ANKRD31: variants seen among roughly 807,000 people sequenced by gnomAD.
ANKRD31 encodes the protein ankyrin repeat domain 31, also known as ankyrin repeat domain-containing protein 31.
Under a neutral mutation model 186.0 loss-of-function variants are expected in ANKRD31, and 147 were observed. That is an observed-to-expected ratio of 0.79 (90% CI 0.69 to 0.91). ANKRD31 has a LOEUF of 0.91. ANKRD31 is among the 40% of genes least tolerant of loss of function. The pLI is 0.00. For missense variants in ANKRD31, 1,986 were observed against 2,148.8 expected (o/e 0.92, Z 1.50); for synonymous variants, 673 against 736.4 (o/e 0.91, Z 1.39).
chr5:75,118,484 T>C (rs1748479050), intron 17 of ANKRD31, among the ~76,000 whole-genome samples, 187 bp from the exon 18 acceptor site: 1 of 152,156 alleles, frequency 6.6e-6, no homozygotes, highest in South Asian at 2.1e-4. Flanking sequence ...TGATTAGTCC[T>C]CACAAGAGAA....
chr5:75,084,475 G>C (rs1745330432), intron 23 of ANKRD31, 101 bp from the exon 24 acceptor site: 2 of 923,686 alleles, frequency 2.2e-6, no homozygotes, highest in South Asian at 3.0e-5. Context: ...TTTGATTGTT[G>C]TATGTTGTGG....
At chr5:75,105,343 C>T (rs1747250363) in intron 21 of ANKRD31, 125 bp from the exon 22 acceptor site, 3 of 1,060,920 alleles carry the variant, frequency 2.8e-6, no homozygotes, top group Non-Finnish European at 3.7e-6. Context: ...AAAACTATGC[C>T]TGTGCAATTT....
rs1234706167 is a variant in ANKRD31, at chr5:75,168,995, A to G, written c.1691T>C (p.Met564Thr). ...YQITPLHDAV[M>T]NGHYKVAELL... Reference sequence around the variant, plus strand: ...TCACAGTACCTTATAATGTCCATTCATCACTGCATCATGTAGGGGAGTAAT... The same window carrying G: ...TCACAGTACCTTATAATGTCCATTCGTCACTGCATCATGTAGGGGAGTAAT... The change falls in exon 11 of 26, where the codon ATG becomes ACG. Residue 564 changes from methionine (M) to threonine (T), a missense_variant. By Grantham distance (81) the Met-to-Thr change is moderately conservative. Coordinates refer to ENST00000506364, the MANE Select transcript of ANKRD31 (RefSeq NM_001372053.1). 1 of 1,536,058 alleles carries G rather than the reference A, an allele frequency of 6.5e-7. No homozygotes were observed. Among genetic ancestry groups the G allele is most frequent in the Non-Finnish European group, 8.7e-7 (1 of 1,146,130 alleles).
At chr5:75,191,800 C>T (rs1382774717) in intron 9 of ANKRD31, among the ~76,000 whole-genome samples, 1 of 151,946 alleles carries the variant, frequency 6.6e-6, no homozygotes, top group African/African-American at 2.4e-5. Context: ...CTTTTTGGAA[C>T]AATTATAAAT....
At chr5:75,214,399 C>A (rs975854460) in intron 3 of ANKRD31, among the ~76,000 whole-genome samples, 3 of 152,156 alleles carry the variant, frequency 2.0e-5, no homozygotes, top group Non-Finnish European at 4.4e-5. Context: ...AAAAGTATAC[C>A]ATTGGCAGTA....
At chr5:75,199,349 C>A (rs767011963) in intron 6 of ANKRD31, among the ~76,000 whole-genome samples, 28 of 152,130 alleles carry the variant, frequency 1.8e-4, no homozygotes, top group Non-Finnish European at 4.0e-4. Context: ...GCTACATTAT[C>A]TCAGAAACAG....
At chr5:75,183,020 G>A (rs2335135) in intron 10 of ANKRD31, among the ~76,000 whole-genome samples, 23,590 of 151,948 alleles carry the variant, frequency 0.16, 2,056 homozygotes, top group African/African-American at 0.23. Context: ...CAAAATACAA[G>A]CAAACTGAAT....
chr5:75,070,767 A>C (rs1744160643), intron 25 of ANKRD31, among the ~76,000 whole-genome samples: 1 of 152,178 alleles, frequency 6.6e-6, no homozygotes. Context: ...GCATCCATTA[A>C]AGTTCCTAGG....
In ANKRD31 at chr5:75,206,485, G is replaced by C; in HGVS notation, c.329C>G (p.Thr110Ser). Reference protein sequence around the residue: ...ETERNQALLQTRKNCSMFIGS... With the variant: ...ETERNQALLQSRKNCSMFIGS... ...AATGAACATTGAACAGTTTTTTCTA[G>C]TCCTAAAAAATCAATTAATAAAAAT... The change falls in exon 5 of 26, where the codon ACT (threonine) becomes AGT (serine). Residue 110 changes from threonine (T) to serine (S), a missense_variant and splice_region_variant. Transcript: ENST00000506364. 1 of 1,421,002 alleles carries C rather than the reference G, an allele frequency of 7.0e-7. No individual in the cohort carries two copies. The highest frequency in any genetic ancestry group is 1.6e-5 in the South Asian group (1 of 63,788). The allele number at this position is 1,421,002 out of a possible 1,614,324, so 88.0% of individuals were successfully genotyped here. A position where few individuals can be genotyped will look rare whatever the true frequency, so the allele number is the denominator to read the frequency against.
At position 75,186,013 on chromosome 5, in the gene ANKRD31, G is replaced by A. The variant is rs148234955; in HGVS notation, c.1564+2480C>T. Among the ~76,000 whole-genome samples, 53 of 152,190 alleles carry A rather than the reference G, an allele frequency of 3.5e-4. 1 individual carries two copies. The East Asian group carries it at 9.7e-3, about 28-fold the overall frequency. On this transcript the variant is annotated intron_variant, in intron 10 of 25. Coordinates refer to ENST00000506364, the MANE Select transcript of ANKRD31 (RefSeq NM_001372053.1). ...CCCAGTGTCAATAAAGCCAGAAGGT[G>A]CTTTATTCTGCAGAGAAAGCCACTG...
chr5:75,130,530 T>C (rs1187888086), intron 17 of ANKRD31, among the ~76,000 whole-genome samples: 1 of 152,180 alleles, frequency 6.6e-6, no homozygotes, highest in Admixed American at 6.5e-5. Context: ...TTTGACAGAG[T>C]GCTGATTGGT....
intron 17 of ANKRD31, among the ~76,000 whole-genome samples, chr5:75,131,417 A>G (rs1398042505): frequency 1.3e-5 from 2 of 152,208 alleles, no homozygotes; most frequent in East Asian, 3.8e-4. Context: ...CACTGCTAGC[A>G]CAGCAGTCTG....
chr5:75,139,131 T>G, intron 15 of ANKRD31, 148 bp from the exon 16 acceptor site: 7 of 979,056 alleles, frequency 7.1e-6, no homozygotes, highest in Non-Finnish European at 1.0e-5. Context: ...ATTGTTTTAA[T>G]ATATAATTTC....
At chr5:75,203,662 C>CAAA (rs112986947) in intron 5 of ANKRD31, among the ~76,000 whole-genome samples, 9 of 99,100 alleles carry the variant, frequency 9.1e-5, no homozygotes, top group South Asian at 3.3e-4. Context: ...GGATCCATCT[C>CAAA]AAAAAAAAAA....
chr5:75,146,505 T>A lies in ANKRD31; in HGVS notation c.2906A>T (p.Gln969Leu), dbSNP rs1244635603. 3.3e-6 allele frequency: 5 copies of A among 1,536,444 alleles called. No homozygotes were observed. In the East Asian group the frequency reaches 7.3e-5, roughly 23 times the overall value. ...TGAATAAGAAAAATTAACAGCTTCC[T>A]GTTCTGGAAGTGTGGTTAGGCTGAC... The part of the protein sequence containing the change: ...KAVSLTTLPE[Q>L]EAVNFSYSDN... The change falls in exon 14 of 26, where the codon CAG becomes CTG. Residue 969 changes from glutamine to leucine, a missense_variant. Physicochemically the swap from Gln to Leu is moderately radical, Grantham distance 113. Coordinates refer to ENST00000506364, the MANE Select transcript of ANKRD31 (RefSeq NM_001372053.1).
At chr5:75,151,297 T>G (rs985645573) in intron 12 of ANKRD31, among the ~76,000 whole-genome samples, 7 of 151,962 alleles carry the variant, frequency 4.6e-5, no homozygotes, top group African/African-American at 1.7e-4. Context: ...AGAACCCAGC[T>G]GGGAAGGAGA....
At chr5:75,095,980 T>C (rs1255190534) in intron 22 of ANKRD31, among the ~76,000 whole-genome samples, 2 of 152,132 alleles carry the variant, frequency 1.3e-5, no homozygotes, top group African/African-American at 4.8e-5. Flanking sequence ...TATAAACCAA[T>C]TAGACTTAAC....
At chr5:75,217,937 G>A (rs1311972101) in intron 3 of ANKRD31, among the ~76,000 whole-genome samples, 1 of 152,124 alleles carries the variant, frequency 6.6e-6, no homozygotes, top group African/African-American at 2.4e-5. Context: ...AGGAGCTCTT[G>A]TAAGGAAGTT....
chr5:75,185,186 A>G (rs1754617038), intron 10 of ANKRD31, among the ~76,000 whole-genome samples: 1 of 152,176 alleles, frequency 6.6e-6, no homozygotes, highest in South Asian at 2.1e-4. Flanking sequence ...TGAATAGAAT[A>G]GTGGTTACTA....
Sources: gnomAD v4.1 joint callset for allele counts (sites outside exome capture counted in the v4.1 genomes callset) on GRCh38, gnomAD v4.1.1 for gene constraint, MANE v1.5 for transcripts, NCBI Gene and HGNC (gene_info 2026-07-23, HGNC 2026-07-21) for gene names.